NFIA: variants seen among roughly 807,000 people sequenced by gnomAD.
The protein encoded by NFIA is nuclear factor I A, also known as nuclear factor 1 A-type.
Under a neutral mutation model 62.8 loss-of-function variants are expected in NFIA, and 8 were observed. That is an observed-to-expected ratio of 0.13 (90% CI 0.07 to 0.23). The LOEUF is 0.23. Among genes scored for constraint, NFIA ranks in the 10% least tolerant of loss-of-function variants. The pLI, the probability that NFIA is intolerant of heterozygous loss-of-function variation, is 1.00. For synonymous variants in NFIA, 235 were observed against 238.1 expected, an observed-to-expected ratio of 0.99 and a Z score of 0.12; for missense variants, 410 against 642.1, an observed-to-expected ratio of 0.64 and a Z score of 3.91.
At chr1:61,319,460 G>A (rs1013971916) in intron 3 of NFIA, among the ~76,000 whole-genome samples, 1 of 152,004 alleles carries the variant, frequency 6.6e-6, no homozygotes, top group African/African-American at 2.4e-5. Context: ...TGTACAAATG[G>A]TAGAATCAGA....
intron 2 of NFIA, among the ~76,000 whole-genome samples, chr1:61,102,376 TTGA>T (rs1304450267): frequency 6.6e-6 from 1 of 152,224 alleles, no homozygotes; most frequent in African/African-American, 2.4e-5. Flanking sequence ...CACAATTTAC[TTGA>T]TGATTTTAGC....
chr1:61,359,181 A>G lies in NFIA; in HGVS notation c.853A>G (p.Met285Val). ...GCGCCTCAAGTCTGTGGAGGATGAA[A>G]TGGACAGTCCTGGTGAGGAGCCATT... ...TKRLKSVEDEMDSPGEEPFYT... is the reference protein window; with the variant it reads ...TKRLKSVEDEVDSPGEEPFYT... The change falls in exon 6 of 11, where the codon ATG (methionine) becomes GTG (valine). Residue 285 changes from methionine to valine, a missense_variant. Met to Val is a conservative substitution (Grantham distance 21). This residue lies in a region of NFIA where 298 missense variants were observed against 438.1 expected (regional missense o/e 0.68). Coordinates refer to ENST00000403491, the MANE Select transcript of NFIA (RefSeq NM_001134673.4). The G allele has an allele frequency of 6.2e-7, 1 of 1,613,388 alleles. No individual in the cohort carries two copies.
At chr1:61,330,758 A>G (rs1319574923) in intron 3 of NFIA, among the ~76,000 whole-genome samples, 1 of 152,200 alleles carries the variant, frequency 6.6e-6, no homozygotes, top group Non-Finnish European at 1.5e-5. Context: ...AACTGAAACA[A>G]GTATCAGCCT....
chr1:61,082,663 T>C lies in NFIA; in HGVS notation c.-129T>C, dbSNP rs1263410335. The stretch of plus-strand genomic sequence containing the variant: ...GCAAGAAGCAGGCTTGATTTTTTTT[T>C]CTCCCCCCTTCTCTCTCTCTCTCTC... On this transcript the variant is annotated 5_prime_UTR_variant, in exon 1 of 11. Transcript: ENST00000403491. The C allele has an allele frequency of 7.2e-6, 11 of 1,523,640 alleles. No homozygotes were observed. The highest frequency in any genetic ancestry group is 2.1e-5 in the Admixed American group (1 of 46,774). 94.4% of individuals were successfully genotyped at this position (1,523,640 alleles called of 1,614,324 possible). A position where few individuals can be genotyped will look rare whatever the true frequency, so the allele number is the denominator to read the frequency against.
intron 3 of NFIA, among the ~76,000 whole-genome samples, chr1:61,285,665 G>A (rs774677607): frequency 2.6e-5 from 4 of 152,138 alleles, no homozygotes; most frequent in Non-Finnish European, 2.9e-5. Context: ...ATCTCAAATA[G>A]GGGTGGAGGG....
At chr1:61,366,531 A>C (rs1373250609) in intron 6 of NFIA, among the ~76,000 whole-genome samples, 2 of 152,224 alleles carry the variant, frequency 1.3e-5, no homozygotes, top group African/African-American at 4.8e-5. Flanking sequence ...TTGAAGTCAA[A>C]TTTGATAAGG....
chr1:61,421,295 A>G (rs1267296480), intron 9 of NFIA, among the ~76,000 whole-genome samples: 1 of 152,240 alleles, frequency 6.6e-6, no homozygotes, highest in Non-Finnish European at 1.5e-5. Flanking sequence ...TGCATCCTCC[A>G]TAGTGCTCAG....
At chr1:61,201,533 G>A (rs1023400957) in intron 2 of NFIA, among the ~76,000 whole-genome samples, 30 of 150,548 alleles carry the variant, frequency 2.0e-4, no homozygotes, top group African/African-American at 7.1e-4. Context: ...AAAAAAAAAA[G>A]GAAAAAGGAA....
chr1:61,380,479 T>C (rs1664362210), intron 6 of NFIA, among the ~76,000 whole-genome samples: 3 of 152,308 alleles, frequency 2.0e-5, no homozygotes, highest in Admixed American at 2.0e-4. Flanking sequence ...AGTTTATTTT[T>C]AAAGTAATGT....
intron 2 of NFIA, among the ~76,000 whole-genome samples, chr1:61,220,767 T>G (rs777519900): frequency 2.4e-4 from 37 of 152,178 alleles, no homozygotes; most frequent in Non-Finnish European, 4.0e-4. Context: ...ACCCTCCAAT[T>G]TGTTATTGCA....
intron 3 of NFIA, among the ~76,000 whole-genome samples, chr1:61,331,198 T>G (rs1661282905): frequency 6.6e-6 from 1 of 152,146 alleles, no homozygotes; most frequent in African/African-American, 2.4e-5. Flanking sequence ...TTGGAACTGT[T>G]TCATCTCAAA....
At chr1:61,262,878 C>T (rs1300462407) in intron 2 of NFIA, among the ~76,000 whole-genome samples, 1 of 152,166 alleles carries the variant, frequency 6.6e-6, no homozygotes, top group Non-Finnish European at 1.5e-5. Flanking sequence ...CACCTCATTC[C>T]CATGTAGCTC....
intron 2 of NFIA, among the ~76,000 whole-genome samples, chr1:61,181,545 C>T (rs1650762595): frequency 6.6e-6 from 1 of 152,200 alleles, no homozygotes; most frequent in South Asian, 2.1e-4. Flanking sequence ...ATTGTTTTAA[C>T]ATTTTATCAT....
chr1:61,317,676 A>G (rs935023087), intron 3 of NFIA, among the ~76,000 whole-genome samples: 2 of 152,064 alleles, frequency 1.3e-5, no homozygotes, highest in African/African-American at 2.4e-5. Flanking sequence ...TTTGATTTTT[A>G]TAGACAACTT....
chr1:61,173,882 G>C (rs1650147429), intron 2 of NFIA, among the ~76,000 whole-genome samples: 1 of 152,210 alleles, frequency 6.6e-6, no homozygotes, highest in African/African-American at 2.4e-5. Context: ...TGGGGTGAGG[G>C]TGGTACCTAA....
intron 7 of NFIA, among the ~76,000 whole-genome samples, chr1:61,395,603 C>A (rs753528997): frequency 2.6e-5 from 4 of 152,206 alleles, no homozygotes; most frequent in Non-Finnish European, 5.9e-5. Flanking sequence ...CTTCATGTAA[C>A]TGGATTCTTG....
rs1035052288 is a variant in NFIA at position 61,190,061 on chromosome 1, A to G, written c.560-87459A>G. ...TAAAGAATAATGATATTTTAATAGC[A>G]TTGGTTGAGTGCTGCAATGTGGCAC... On this transcript the variant is annotated intron_variant, in intron 2 of 10. Coordinates refer to ENST00000403491, the MANE Select transcript of NFIA (RefSeq NM_001134673.4). 2.0e-5 allele frequency among the ~76,000 whole-genome samples: 3 copies of G among 152,238 alleles called. 1 individual carries two copies. The highest frequency in any genetic ancestry group is 2.0e-4 in the Admixed American group (3 of 15,284).
At chr1:61,341,669 G>A (rs1198650147) in intron 4 of NFIA, among the ~76,000 whole-genome samples, 2 of 152,118 alleles carry the variant, frequency 1.3e-5, no homozygotes, top group Non-Finnish European at 2.9e-5. Context: ...GCAGAAGTAG[G>A]GTTTTGTCAT....
At chr1:61,136,024 A>G (rs985476163) in intron 2 of NFIA, among the ~76,000 whole-genome samples, 8 of 152,236 alleles carry the variant, frequency 5.3e-5, no homozygotes, top group Non-Finnish European at 8.8e-5. Flanking sequence ...TATTGAAAGC[A>G]TTGTTTAAGT....
Sources: gnomAD v4.1 joint callset for allele counts (sites outside exome capture counted in the v4.1 genomes callset) on GRCh38, gnomAD v4.1.1 for gene constraint, gnomAD v4.1.1 regional missense constraint, MANE v1.5 for transcripts, NCBI Gene and HGNC (gene_info 2026-07-23, HGNC 2026-07-21) for gene names.